Variants in MROH1 observed in about 807,000 individuals in gnomAD.
The protein encoded by MROH1 is maestro heat like repeat family member 1.
A neutral mutation model predicts 116.5 loss-of-function variants in MROH1; 117 were observed. The ratio of observed to expected loss-of-function variants is 1.00; its 90% CI spans 0.86 to 1.17. The LOEUF (loss-of-function observed/expected upper bound fraction) is 1.17, where lower values mean the gene tolerates loss of function less well. Among genes scored for constraint, MROH1 ranks in the 50% most tolerant of loss-of-function variants. The pLI is 0.00. For synonymous variants in MROH1, 921 were observed against 583.9 expected (o/e 1.58, Z -8.32); for missense variants, 1,873 against 1,338.5 (o/e 1.40, Z -6.23).
chr8:144,163,971 C>T lies in MROH1; in HGVS notation c.22+123C>T. On this transcript the variant is annotated intron_variant, in intron 3 of 43. Transcript: ENST00000326134. This position sits in a 1 kb window ranked among gnomAD's most constrained non-coding sequence, Gnocchi z 4.4. ...AGAGTTTCCACCCTATACTCGGGAG[C>T]CTGAGTGGGTTCTGGGCAGGTTGGG... is the stretch of plus-strand genomic sequence containing the variant. The T allele has an allele frequency of 2.0e-6, 2 of 1,009,574 alleles. No individual in the cohort carries two copies. Among genetic ancestry groups the T allele is most frequent in the South Asian group, 1.7e-5 (1 of 57,468 alleles). 62.5% of individuals were successfully genotyped at this position (1,009,574 alleles called of 1,614,324 possible).
Position 144,260,908 on chromosome 8 carries a change from C to T in MROH1, c.4538C>T (p.Ala1513Val). ...TGGCCCCAGTGCCGCATCCCTTAGGCCTGCAGGTTTGCCCTGCGCATGTGT... is the reference window on the plus strand; with the variant it reads ...TGGCCCCAGTGCCGCATCCCTTAGGTCTGCAGGTTTGCCCTGCGCATGTGT... ...LQDPQATVASACRFALRMCGP... is the reference protein window; with the variant it reads ...LQDPQATVASVCRFALRMCGP... Residue 1513 changes from alanine (A) to valine (V), a missense_variant and splice_region_variant, in exon 41 of 44, where the codon GCC (alanine) becomes GTC (valine). Coordinates refer to ENST00000326134, the MANE Select transcript of MROH1 (RefSeq NM_032450.3). 3.9e-6 allele frequency: 3 copies of T among 777,588 alleles called. No homozygotes were observed. Among genetic ancestry groups the T allele is most frequent in the Non-Finnish European group, 7.2e-6 (3 of 417,756 alleles). 48.2% of individuals were successfully genotyped at this position (777,588 alleles called of 1,614,324 possible).
Position 144,261,693 on chromosome 8 carries a change from C to G in MROH1, c.4879C>G (p.Arg1627Gly). ...GCTGAAGGACCCGGCCCCCGAGGTG[C>G]GGACGAGGGCTGCTGAGGCCCTGGG... ...ILLKDPAPEV[R>G]TRAAEALGRL... Residue 1627 changes from arginine (R) to glycine (G), a missense_variant, in exon 44 of 44, where the codon CGG becomes GGG. Transcript: ENST00000326134. The G allele has an allele frequency of 1.4e-6, 1 of 727,816 alleles. No individual in the cohort carries two copies. Among genetic ancestry groups the G allele is most frequent in the South Asian group, 1.5e-5 (1 of 68,918 alleles). The allele number at this position is 727,816 out of a possible 1,614,324, so 45.1% of individuals were successfully genotyped here. A position where few individuals can be genotyped will look rare whatever the true frequency, so the allele number is the denominator to read the frequency against.
At chr8:144,258,340 GGGCCTGCTCGC>G (rs1844309253) in intron 35 of MROH1, among the ~76,000 whole-genome samples, 1 of 152,200 alleles carries the variant, frequency 6.6e-6, no homozygotes, top group Non-Finnish European at 1.5e-5. Flanking sequence ...AGTGGATCAG[GGGCCTGCTCGC>G]CTCCCAGAGG....
chr8:144,161,838 G>T (rs538875024), intron 2 of MROH1, among the ~76,000 whole-genome samples: 1 of 152,134 alleles, frequency 6.6e-6, no homozygotes, highest in Admixed American at 6.6e-5. Flanking sequence ...CTGGCTACCC[G>T]CAGGGCACAG....
Position 144,239,608 on chromosome 8 carries a change from T to C in MROH1, c.1633-6T>C. 1.3e-6 allele frequency: 1 copy of C among 772,290 alleles called. No individual in the cohort carries two copies. The allele number at this position is 772,290 out of a possible 1,614,324, so 47.8% of individuals were successfully genotyped here. On this transcript the variant is annotated splice_polypyrimidine_tract_variant and splice_region_variant and intron_variant, in intron 17 of 43. Coordinates refer to ENST00000326134, the MANE Select transcript of MROH1 (RefSeq NM_032450.3). ...CAGACCCGGCTCCCACGCTGCCTCT[T>C]TTCAGGTTGTGTCTTCCAGCCCCTA...
chr8:144,174,724 C>A, intron 4 of MROH1: 1 of 449,676 alleles, frequency 2.2e-6, no homozygotes, highest in Non-Finnish European at 2.9e-6. Context: ...CCCAAGTGAT[C>A]CTCCCACCTT....
At chr8:144,194,750 A>G (rs1030977201) in intron 10 of MROH1, among the ~76,000 whole-genome samples, 1 of 151,896 alleles carries the variant, frequency 6.6e-6, no homozygotes, top group Non-Finnish European at 1.5e-5. Context: ...CCATCTCTAC[A>G]GAAAAAATGT....
chr8:144,242,824 G>A (rs1234593869), intron 24 of MROH1, among the ~76,000 whole-genome samples, 196 bp downstream of exon 24: 1 of 152,210 alleles, frequency 6.6e-6, no homozygotes, highest in African/African-American at 2.4e-5. Flanking sequence ...GCAGTGGGAA[G>A]AAGGGAGGCG....
chr8:144,180,591 T>G lies in MROH1; in HGVS notation c.562+68T>G. 1.4e-6 allele frequency: 2 copies of G among 1,404,322 alleles called. No homozygotes were observed. Among genetic ancestry groups the G allele is most frequent in the Non-Finnish European group, 2.0e-6 (2 of 1,019,232 alleles). The allele number at this position is 1,404,322 out of a possible 1,614,324, so 87.0% of individuals were successfully genotyped here. ...GTGGGGGGCTGTTCCCGGGCATGCC[T>G]GTTTTAGGGGGGACAGGTGGGCACT... On this transcript the variant is annotated intron_variant, in intron 7 of 43. Coordinates refer to ENST00000326134, the MANE Select transcript of MROH1 (RefSeq NM_032450.3). The surrounding 1 kb of genome is among the most constrained non-coding windows in gnomAD (Gnocchi z 7.4).
In MROH1 at chr8:144,221,193, G is replaced by A. The variant is rs137865335; in HGVS notation, c.1215+520G>A. On this transcript the variant is annotated intron_variant, in intron 13 of 43. Coordinates refer to ENST00000326134, the MANE Select transcript of MROH1 (RefSeq NM_032450.3). Reference sequence around the variant, plus strand: ...GCCTTGGGGTCTGTCATGTGGACCCGGTTGGCGCCCTCGTGGCTGAGCTAT... The same window carrying A: ...GCCTTGGGGTCTGTCATGTGGACCCAGTTGGCGCCCTCGTGGCTGAGCTAT... 8.5e-5 allele frequency among the ~76,000 whole-genome samples: 13 copies of A among 152,312 alleles called. 1 individual carries two copies. The Middle Eastern group carries it at 0.01, about 120-fold the overall frequency.
chr8:144,209,878 C>T (rs1833707575), intron 12 of MROH1, among the ~76,000 whole-genome samples: 1 of 149,548 alleles, frequency 6.7e-6, no homozygotes, highest in Non-Finnish European at 1.5e-5. Flanking sequence ...TGCATTTCAG[C>T]CTTGGCTACA....
chr8:144,258,395 C>G (rs1290957984), intron 35 of MROH1, among the ~76,000 whole-genome samples: 1 of 152,206 alleles, frequency 6.6e-6, no homozygotes, highest in Non-Finnish European at 1.5e-5. Context: ...GGTGTGAGAA[C>G]CCGAGGTGCC....
intron 14 of MROH1, among the ~76,000 whole-genome samples, chr8:144,228,103 C>G (rs1360206999): frequency 1.3e-5 from 2 of 151,986 alleles, no homozygotes; most frequent in African/African-American, 4.8e-5. Context: ...GGTATGGTGG[C>G]ATATGCCGGT....
At chr8:144,255,362 G>A (rs921420280) in intron 34 of MROH1, 147 bp from the exon 35 acceptor site, 14 of 661,476 alleles carry the variant, frequency 2.1e-5, no homozygotes, top group Admixed American at 4.3e-5. Flanking sequence ...ATGCAGTGGT[G>A]CGCCTCGCCC....
At position 144,261,192 on chromosome 8, in the gene MROH1, C is replaced by T. The variant is rs1844978583; in HGVS notation, c.4750C>T (p.Arg1584Ter). 6.5e-6 allele frequency: 5 copies of T among 766,542 alleles called. No individual in the cohort carries two copies. Among genetic ancestry groups the T allele is most frequent in the South Asian group, 4.0e-5 (3 of 74,542 alleles). 47.5% of individuals were successfully genotyped at this position (766,542 alleles called of 1,614,324 possible). A position where few individuals can be genotyped will look rare whatever the true frequency, so the allele number is the denominator to read the frequency against. ...CTTCAAGAGCAGCTGGGAGAACGTC[C>T]GAGCTGCTGCACCCCTGTTCACCGG... ...FYFKSSWENV[R>*]AAAPLFTGFL... Residue 1584 changes from arginine to a stop codon, truncating the protein, a stop_gained, in exon 42 of 44, where the codon CGA (arginine) becomes TGA (stop). Transcript: ENST00000326134. LOFTEE classifies it high-confidence loss of function.
At position 144,241,067 on chromosome 8, in the gene MROH1, G is replaced by GA; in HGVS notation, c.2012dup (p.Leu672AlafsTer55). The GA allele has an allele frequency of 1.3e-6, 1 of 775,258 alleles. No individual in the cohort carries two copies. The highest frequency in any genetic ancestry group is 2.4e-6 in the Non-Finnish European group (1 of 415,714). 48.0% of individuals were successfully genotyped at this position (775,258 alleles called of 1,614,324 possible). A position where few individuals can be genotyped will look rare whatever the true frequency, so the allele number is the denominator to read the frequency against. ...GGAGGTGGTGAGGAAGCACCTTCAA[G>GA]AGCTGCTGGAGACGGCCAGATACCA... On this transcript the variant is annotated frameshift_variant, in exon 21 of 44. Transcript: ENST00000326134. LOFTEE classifies it high-confidence loss of function.
At chr8:144,237,132 C>T (rs907787696) in intron 14 of MROH1, among the ~76,000 whole-genome samples, 11 of 151,794 alleles carry the variant, frequency 7.2e-5, no homozygotes, top group Non-Finnish European at 1.5e-4. Context: ...GTCTCGATCT[C>T]CTGACCTTGT....
chr8:144,193,845 G>C (rs982356383), intron 10 of MROH1, among the ~76,000 whole-genome samples: 2 of 152,032 alleles, frequency 1.3e-5, no homozygotes, highest in African/African-American at 4.8e-5. Flanking sequence ...CTGACCTCAA[G>C]TGATCCACCT....
chr8:144,170,275 T>G (rs1308841557), intron 4 of MROH1, among the ~76,000 whole-genome samples: 1 of 152,206 alleles, frequency 6.6e-6, no homozygotes, highest in African/African-American at 2.4e-5. Flanking sequence ...CTTGTCCTAC[T>G]TTGTTTCTGA....
Sources: allele counts gnomAD v4.1 joint callset (sites outside exome capture counted in the v4.1 genomes callset), GRCh38; gene constraint gnomAD v4.1.1; non-coding constraint Gnocchi (gnomAD v3.1); transcripts MANE v1.5; gene names NCBI Gene and HGNC (gene_info 2026-07-23, HGNC 2026-07-21).